CUL5: variants seen among roughly 807,000 people sequenced by gnomAD.
CUL5 encodes cullin 5.
CUL5 carries 26 observed loss-of-function variants against 108.8 expected under a neutral mutation model. The ratio of observed to expected loss-of-function variants is 0.24; its 90% CI spans 0.18 to 0.33. The LOEUF is 0.33. Among genes scored for constraint, CUL5 ranks in the 10% least tolerant of loss-of-function variants. The pLI, the probability that CUL5 is intolerant of heterozygous loss-of-function variation, is 1.00. For missense variants in CUL5, 524 were observed against 909.2 expected (o/e 0.58, Z 5.45); for synonymous variants, 334 against 298.0 (o/e 1.12, Z -1.25).
chr11:108,041,131 G>C lies in CUL5; in HGVS notation c.135-5139G>C, dbSNP rs77992437. Among the ~76,000 whole-genome samples, 382 of 152,236 alleles carry C rather than the reference G, an allele frequency of 2.5e-3. 1 individual carries two copies. The highest frequency in any genetic ancestry group is 4.3e-3 in the Non-Finnish European group (295 of 68,014). ...AGCCTTACCAACCTTTCTTAGAACTGTGCTGATTCTTACTGCTCAAGCTTC... is the reference window on the plus strand; with the variant it reads ...AGCCTTACCAACCTTTCTTAGAACTCTGCTGATTCTTACTGCTCAAGCTTC... On this transcript the variant is annotated intron_variant, in intron 2 of 18. Transcript: ENST00000393094.
chr11:108,043,164 C>G (rs1233704872), intron 2 of CUL5, among the ~76,000 whole-genome samples: 1 of 152,226 alleles, frequency 6.6e-6, no homozygotes, highest in Non-Finnish European at 1.5e-5. Flanking sequence ...CCCTGAACTT[C>G]TGAGTTCAAG....
At chr11:108,102,628 G>A (rs972191262) in intron 18 of CUL5, among the ~76,000 whole-genome samples, 1 of 152,070 alleles carries the variant, frequency 6.6e-6, no homozygotes, top group Non-Finnish European at 1.5e-5. Flanking sequence ...ACCCTCCCTG[G>A]CTGGTTATCA....
Position 108,054,736 on chromosome 11 carries a change from A to AGTAT in CUL5, c.644_645insTATG (p.Arg215SerfsTer24). ...CTTGGATTCAACAGAGAGATTTTAT[A>AGTAT]GAACACAAGCACCCTCGTATTTACA... On this transcript the variant is annotated frameshift_variant, in exon 6 of 19. Coordinates refer to ENST00000393094, the MANE Select transcript of CUL5 (RefSeq NM_003478.6). LOFTEE classifies it high-confidence loss of function. The AGTAT allele has an allele frequency of 6.2e-7, 1 of 1,611,702 alleles. No homozygotes were observed. Among genetic ancestry groups the AGTAT allele is most frequent in the Non-Finnish European group, 8.5e-7 (1 of 1,178,286 alleles).
intron 4 of CUL5, among the ~76,000 whole-genome samples, chr11:108,050,872 T>G (rs920326315): frequency 3.9e-5 from 6 of 152,230 alleles, no homozygotes; most frequent in Non-Finnish European, 8.8e-5. Context: ...AGTCATGATT[T>G]AATGGAAAGA....
rs1357943372 is a variant in CUL5, at chr11:108,009,294, G to C, written c.-55G>C. The C allele has an allele frequency of 1.2e-6, 2 of 1,607,364 alleles. No homozygotes were observed. Among genetic ancestry groups the C allele is most frequent in the African/African-American group, 2.7e-5 (2 of 74,830 alleles). Reference sequence around the variant, plus strand: ...GAGCTCCGGCCTCCGGTCAAGGCCTGGCCGGGAGCGCCACGAATTCTCGCG... The same window carrying C: ...GAGCTCCGGCCTCCGGTCAAGGCCTCGCCGGGAGCGCCACGAATTCTCGCG... On this transcript the variant is annotated 5_prime_UTR_variant, in exon 1 of 19. Coordinates refer to ENST00000393094, the MANE Select transcript of CUL5 (RefSeq NM_003478.6).
chr11:108,043,544 C>T (rs749538652), intron 2 of CUL5, among the ~76,000 whole-genome samples: 8 of 152,122 alleles, frequency 5.3e-5, no homozygotes, highest in Non-Finnish European at 8.8e-5. Flanking sequence ...ATCACTTTAG[C>T]TTCTTGTTTA....
At chr11:108,028,841 A>G (rs929486225) in intron 1 of CUL5, among the ~76,000 whole-genome samples, 4 of 152,176 alleles carry the variant, frequency 2.6e-5, no homozygotes, top group African/African-American at 9.7e-5. Flanking sequence ...ATAAAAAATA[A>G]AAAAGATTAT....
At chr11:108,095,132 G>A (rs1321238903) in intron 15 of CUL5, 145 bp downstream of exon 15, 1 of 652,436 alleles carries the variant, frequency 1.5e-6, no homozygotes. Flanking sequence ...TCATGAAGTT[G>A]ATAGGGACAT....
At position 108,104,176 on chromosome 11, in the gene CUL5, ATTTT is replaced by A. The variant is rs771047052; in HGVS notation, c.2149-11_2149-8del. ...CGTATATTAATGCGCTTTTATTTTTATTTTTTCTTTTAGGAAGCTATCATACAAA... is the reference window on the plus strand; with the variant it reads ...CGTATATTAATGCGCTTTTATTTTTATTCTTTTAGGAAGCTATCATACAAA... On this transcript the variant is annotated splice_polypyrimidine_tract_variant and intron_variant, in intron 18 of 18. Transcript: ENST00000393094. The A allele has an allele frequency of 1.3e-6, 2 of 1,513,408 alleles. No homozygotes were observed. The highest frequency in any genetic ancestry group is 2.2e-5 in the Admixed American group (1 of 44,984). The allele number at this position is 1,513,408 out of a possible 1,614,324, so 93.7% of individuals were successfully genotyped here.
At chr11:108,059,208 GGTTTTTA>G (rs2135151071) in intron 7 of CUL5, among the ~76,000 whole-genome samples, 1 of 152,130 alleles carries the variant, frequency 6.6e-6, no homozygotes, top group South Asian at 2.1e-4. Flanking sequence ...ATTTGTGTTT[GGTTTTTA>G]GTTTTTAGGT....
At chr11:108,063,767 T>C (rs1222690737) in intron 7 of CUL5, among the ~76,000 whole-genome samples, 2 of 152,204 alleles carry the variant, frequency 1.3e-5, no homozygotes, top group Non-Finnish European at 2.9e-5. Flanking sequence ...GTGGGATTGC[T>C]GGATCATAAG....
chr11:108,079,027 T>A (rs1463451906), intron 11 of CUL5, among the ~76,000 whole-genome samples: 2 of 152,144 alleles, frequency 1.3e-5, no homozygotes, highest in Non-Finnish European at 2.9e-5. Context: ...TAGCACTGCA[T>A]CTTGGCCATC....
At position 108,072,398 on chromosome 11, in the gene CUL5, T is replaced by G; in HGVS notation, c.941T>G (p.Leu314Trp). The G allele has an allele frequency of 6.2e-7, 1 of 1,612,480 alleles. No individual in the cohort carries two copies. The highest frequency in any genetic ancestry group is 8.5e-7 in the Non-Finnish European group (1 of 1,178,830). Residue 314 changes from leucine (L) to tryptophan (W), a missense_variant, in exon 9 of 19, where the codon TTG becomes TGG. By Grantham distance (61) the Leu-to-Trp change is moderately conservative (BLOSUM62 -2). This residue lies in a region of CUL5 where 170 missense variants were observed against 305.1 expected (regional missense o/e 0.56). Coordinates refer to ENST00000393094, the MANE Select transcript of CUL5 (RefSeq NM_003478.6). ...PNGIEPMLKD[L>W]EEHIISAGLA... is the part of the protein sequence containing the mutation. ...GGTATAGAGCCAATGTTGAAAGACT[T>G]GGAGGAACATATCATTAGTGCTGGC...
At chr11:108,072,604 T>C in intron 9 of CUL5, 142 bp downstream of exon 9, 2 of 568,552 alleles carry the variant, frequency 3.5e-6, no homozygotes, top group Non-Finnish European at 6.0e-6. Context: ...AAAGTTATAG[T>C]TCAATAGGAA....
chr11:108,015,150 C>T (rs919214088), intron 1 of CUL5, among the ~76,000 whole-genome samples: 4 of 152,174 alleles, frequency 2.6e-5, no homozygotes, highest in Non-Finnish European at 5.9e-5. Flanking sequence ...CCTCCCACCT[C>T]AGCCTCCCAA....
chr11:108,082,654 C>CT (rs1427737815), intron 11 of CUL5, among the ~76,000 whole-genome samples: 1 of 150,904 alleles, frequency 6.6e-6, no homozygotes, highest in Admixed American at 6.6e-5. Context: ...TTTTCTGTTT[C>CT]TTTTTTTTCA....
chr11:108,066,815 T>G (rs1213531398), intron 7 of CUL5, among the ~76,000 whole-genome samples: 2 of 152,234 alleles, frequency 1.3e-5, no homozygotes, highest in African/African-American at 2.4e-5. Flanking sequence ...TTCCAGTTAT[T>G]TGCTTATTAG....
chr11:108,040,177 TC>T (rs1332415815), intron 2 of CUL5, among the ~76,000 whole-genome samples: 1 of 152,234 alleles, frequency 6.6e-6, no homozygotes, highest in East Asian at 1.9e-4. Context: ...TATAGCATGT[TC>T]CCTTTTAAAA....
At chr11:108,080,291 G>A (rs370898882) in intron 11 of CUL5, among the ~76,000 whole-genome samples, 10 of 151,684 alleles carry the variant, frequency 6.6e-5, no homozygotes, top group African/African-American at 2.4e-5. Flanking sequence ...GTCTTGCTGC[G>A]TTGCTCAGGC....
Sources: gnomAD v4.1 joint callset for allele counts (sites outside exome capture counted in the v4.1 genomes callset) on GRCh38, gnomAD v4.1.1 for gene constraint, gnomAD v4.1.1 regional missense constraint, MANE v1.5 for transcripts, NCBI Gene and HGNC (gene_info 2026-07-23, HGNC 2026-07-21) for gene names.